Variants in PDE11A observed in about 807,000 individuals in gnomAD.
PDE11A encodes the protein dual 3',5'-cyclic-AMP and -GMP phosphodiesterase 11A.
In PDE11A, 100 loss-of-function variants were observed where a neutral mutation model predicts 100.5. The ratio of observed to expected loss-of-function variants is 1.00; its 90% CI spans 0.85 to 1.18. The LOEUF is 1.18. PDE11A is among the 50% of genes most tolerant of loss of function. PDE11A has a pLI of 0.00. For missense variants in PDE11A, 1,141 were observed against 1,152.6 expected (o/e 0.99, Z 0.15); for synonymous variants, 381 against 420.8 (o/e 0.91, Z 1.16).
intron 1 of PDE11A, among the ~76,000 whole-genome samples, chr2:178,039,365 T>C (rs771306343): frequency 3.3e-5 from 5 of 152,000 alleles, no homozygotes; most frequent in Admixed American, 1.3e-4. Context: ...ACAACAGACA[T>C]TGGGGTCTAC....
chr2:177,846,052 A>AGAGGGAGAGGGAGG, intron 5 of PDE11A, among the ~76,000 whole-genome samples: 1 of 151,520 alleles, frequency 6.6e-6, no homozygotes, highest in Non-Finnish European at 1.5e-5. Context: ...GGAGAGGGAG[A>AGAGGGAGAGGGAGG]GGGAGAGGGA....
intron 9 of PDE11A, among the ~76,000 whole-genome samples, chr2:177,773,705 G>A (rs190317823): frequency 0.011 from 1,684 of 152,294 alleles, 20 homozygotes; most frequent in Non-Finnish European, 0.015. Context: ...AACCAGTAGA[G>A]GGGGGAGAGA....
At chr2:177,837,194 T>C (rs143519798) in intron 6 of PDE11A, among the ~76,000 whole-genome samples, 2 of 152,356 alleles carry the variant, frequency 1.3e-5, no homozygotes, top group African/African-American at 4.8e-5. Context: ...GAGTTTGGTC[T>C]TAAGCTGTAG....
At chr2:177,821,073 G>C (rs2083131493) in intron 6 of PDE11A, among the ~76,000 whole-genome samples, 1 of 151,760 alleles carries the variant, frequency 6.6e-6, no homozygotes, top group Non-Finnish European at 1.5e-5. Context: ...AAGATATGAA[G>C]GTTTTGGATC....
chr2:177,704,868 A>G (rs1413324516), intron 13 of PDE11A, among the ~76,000 whole-genome samples: 2 of 152,070 alleles, frequency 1.3e-5, no homozygotes, highest in African/African-American at 2.4e-5. Context: ...TTGAGACGGA[A>G]TCTCGCCTGT....
intron 5 of PDE11A, 76 bp downstream of exon 5, chr2:177,875,783 T>C (rs2084228994): frequency 1.1e-6 from 1 of 927,002 alleles, no homozygotes; most frequent in South Asian, 1.3e-5. Context: ...TACTACTATC[T>C]TCTAAGAATT....
intron 2 of PDE11A, among the ~76,000 whole-genome samples, chr2:177,988,447 G>C (rs34948302): frequency 6.6e-6 from 1 of 152,072 alleles, no homozygotes; most frequent in South Asian, 2.1e-4. Flanking sequence ...ATTGTGTAGA[G>C]GTAAAGCAAA....
chr2:177,841,024 CTATT>C (rs1316251250), intron 5 of PDE11A, among the ~76,000 whole-genome samples: 1 of 152,134 alleles, frequency 6.6e-6, no homozygotes, highest in African/African-American at 2.4e-5. Context: ...ACTTAAAAGG[CTATT>C]TAATGCAACA....
At chr2:177,762,542 G>T (rs914156398) in intron 10 of PDE11A, among the ~76,000 whole-genome samples, 8 of 152,134 alleles carry the variant, frequency 5.3e-5, no homozygotes, top group Non-Finnish European at 7.3e-5. Context: ...GGACCTTCAG[G>T]ACTTGTCGCC....
At chr2:177,658,211 G>A (rs1248830974) in intron 19 of PDE11A, among the ~76,000 whole-genome samples, 1 of 152,156 alleles carries the variant, frequency 6.6e-6, no homozygotes, top group Non-Finnish European at 1.5e-5. Flanking sequence ...ACAACCATAG[G>A]TGAGTTCCCT....
In PDE11A at chr2:178,097,968, A is replaced by G. The variant is rs575678092; in HGVS notation, c.162+6334T>C. On this transcript the variant is annotated intron_variant, in intron 2 of 20. Transcript: ENST00000358450. ...TTGGAAGAATACAACATGTCCCAGG[A>G]GATAGTGAAATTGATCAATCAAGGC... Among the ~76,000 whole-genome samples, 3 of 152,376 alleles carry G rather than the reference A, an allele frequency of 2.0e-5. No homozygotes were observed. The South Asian group carries it at 6.2e-4, about 32-fold the overall frequency.
chr2:177,886,768 CACATCTGATCTTTTCCA>C (rs2084438945), intron 4 of PDE11A, among the ~76,000 whole-genome samples: 1 of 152,040 alleles, frequency 6.6e-6, no homozygotes, highest in South Asian at 2.1e-4. Flanking sequence ...CATGCTTTTA[CACATCTGATCTTTTCCA>C]AAAACAGAGC....
At position 177,991,038 on chromosome 2, in the gene PDE11A, T is replaced by A. The variant is rs183895824; in HGVS notation, c.1071+23264A>T. On this transcript the variant is annotated intron_variant, in intron 2 of 19. Coordinates refer to ENST00000286063, the MANE Select transcript of PDE11A (RefSeq NM_016953.4). ...ATAAAGAACAAGTATTTAAAATATATCTTGGCTGGGCACAGTGGCTCACGC... is the reference window on the plus strand; with the variant it reads ...ATAAAGAACAAGTATTTAAAATATAACTTGGCTGGGCACAGTGGCTCACGC... Among the ~76,000 whole-genome samples the A allele has an allele frequency of 2.0e-5, 3 of 149,350 alleles. No homozygotes were observed. In the East Asian group the frequency reaches 6.0e-4, roughly 30 times the overall value.
rs555489000 is a variant in PDE11A at position 177,721,247 on chromosome 2, G to A, written c.2043+6411C>T. Among the ~76,000 whole-genome samples, 114 of 152,128 alleles carry A rather than the reference G, an allele frequency of 7.5e-4. No individual in the cohort carries two copies. The Middle Eastern group carries it at 0.01, about 14-fold the overall frequency. ...ACTTCAGCAGGAATCCAGGTTTTGCGGCTTGTTTCATCTGTCTCTTCACAT... is the reference window on the plus strand; with the variant it reads ...ACTTCAGCAGGAATCCAGGTTTTGCAGCTTGTTTCATCTGTCTCTTCACAT... On this transcript the variant is annotated intron_variant, in intron 12 of 19. Transcript: ENST00000286063.
At chr2:177,813,832 C>A (rs6710818) in intron 9 of PDE11A, among the ~76,000 whole-genome samples, 55 of 149,532 alleles carry the variant, frequency 3.7e-4, no homozygotes, top group South Asian at 1.5e-3. Context: ...TGTTGCTAAC[C>A]GGAAAAAAAA....
intron 4 of PDE11A, among the ~76,000 whole-genome samples, chr2:177,879,016 T>G (rs977216518): frequency 5.3e-5 from 8 of 152,144 alleles, no homozygotes; most frequent in African/African-American, 1.9e-4. Flanking sequence ...GAGCAGGACA[T>G]TTTTTTAATT....
intron 9 of PDE11A, among the ~76,000 whole-genome samples, chr2:177,787,776 CA>C (rs1357835639): frequency 6.6e-6 from 1 of 151,934 alleles, no homozygotes; most frequent in Non-Finnish European, 1.5e-5. Context: ...CAACAAAGAT[CA>C]AAAGCGACAA....
chr2:177,822,283 C>T (rs947233370), intron 6 of PDE11A, among the ~76,000 whole-genome samples: 6 of 151,614 alleles, frequency 4.0e-5, no homozygotes, highest in African/African-American at 1.5e-4. Flanking sequence ...AGCTAGGAGT[C>T]AAAATTTCTT....
chr2:177,885,157 G>T (rs78813547), intron 4 of PDE11A, among the ~76,000 whole-genome samples: 2,857 of 152,054 alleles, frequency 0.019, 53 homozygotes, highest in South Asian at 0.046. Flanking sequence ...TTAATAAAAT[G>T]AGTTAATATG....
Sources: gnomAD v4.1 joint callset for allele counts (sites outside exome capture counted in the v4.1 genomes callset) on GRCh38, gnomAD v4.1.1 for gene constraint, MANE v1.5 for transcripts, NCBI Gene and HGNC (gene_info 2026-07-23, HGNC 2026-07-21) for gene names.